FAM83H: variants seen among roughly 807,000 people sequenced by gnomAD.
FAM83H encodes scaffolding CK1 anchoring protein H, also known as protein FAM83H.
FAM83H carries 24 observed loss-of-function variants against 30.2 expected under a neutral mutation model. The ratio of observed to expected loss-of-function variants is 0.79; its 90% CI spans 0.57 to 1.12. The LOEUF (loss-of-function observed/expected upper bound fraction) is 1.12. FAM83H is among the 50% of genes most tolerant of loss of function. FAM83H has a pLI of 0.00. For synonymous variants in FAM83H, 1,013 were observed against 821.7 expected (o/e 1.23, Z -3.98); for missense variants, 2,038 against 1,773.9 (o/e 1.15, Z -2.67).
At chr8:143,729,785 C>G (rs1213146328) in intron 2 of FAM83H, among the ~76,000 whole-genome samples, 3 of 152,246 alleles carry the variant, frequency 2.0e-5, no homozygotes, top group African/African-American at 4.8e-5. Context: ...GCACCTTCCG[C>G]CGTCTGCTAG....
rs1554622967 is a variant in FAM83H, at chr8:143,727,923, G to C, written c.1538C>G (p.Ser513Cys). 1.3e-6 allele frequency: 2 copies of C among 1,530,394 alleles called. No homozygotes were observed. The highest frequency in any genetic ancestry group is 1.7e-6 in the Non-Finnish European group (2 of 1,144,926). The allele number at this position is 1,530,394 out of a possible 1,614,324, so 94.8% of individuals were successfully genotyped here. Reference protein sequence around the residue: ...DGHQRLDYVPSSASREVRHGS... With the variant: ...DGHQRLDYVPCSASREVRHGS... ...GTGGCGCACCTCGCGGGACGCGCTG[G>C]ACGGCACGTAGTCCAGCCGCTGGTG... Residue 513 changes from serine to cysteine, a missense_variant, in exon 5 of 5, where the codon TCC becomes TGC. By Grantham distance (112) the Ser-to-Cys change is moderately radical. Transcript: ENST00000388913.
At chr8:143,731,504 A>G (rs1818520826) in intron 1 of FAM83H, 1 of 985,414 alleles carries the variant, frequency 1.0e-6, no homozygotes, top group Non-Finnish European at 1.2e-6. Context: ...GGGCTCCCAC[A>G]GCCCATTCTA....
rs1365514007 is a variant in FAM83H, at chr8:143,730,563, C to T, written c.20G>A (p.Ser7Asn). 2 of 1,555,762 alleles carry T rather than the reference C, an allele frequency of 1.3e-6. No individual in the cohort carries two copies. The highest frequency in any genetic ancestry group is 2.7e-5 in the African/African-American group (2 of 73,882). Residue 7 changes from serine to asparagine, a missense_variant, in exon 2 of 5, where the codon AGC becomes AAC. Coordinates refer to ENST00000388913, the MANE Select transcript of FAM83H (RefSeq NM_198488.5). ...CAGTGGGTTGTCCCCCTGCGAGGAGCTCTGAGAGCGACGGGCCATGTTGGG... is the reference window on the plus strand; with the variant it reads ...CAGTGGGTTGTCCCCCTGCGAGGAGTTCTGAGAGCGACGGGCCATGTTGGG... MARRSQ[S>N]SSQGDNPLAP...
rs1391248464 is a variant in FAM83H at position 143,727,109 on chromosome 8, G to A, written c.2352C>T (p.Arg784=). ...AAPGAVGGER[R]SLESCLLDLR... is the part of the protein sequence containing the mutation. ...GGTCCAGCAGGCAGCTCTCGAGGCTGCGGCGCTCGCCCCCCACGGCACCTG... is the reference window on the plus strand; with the variant it reads ...GGTCCAGCAGGCAGCTCTCGAGGCTACGGCGCTCGCCCCCCACGGCACCTG... Residue 784 remains arginine, a synonymous_variant, in exon 5 of 5, where the codon CGC becomes CGT. Coordinates refer to ENST00000388913, the MANE Select transcript of FAM83H (RefSeq NM_198488.5). The A allele has an allele frequency of 4.6e-6, 7 of 1,535,946 alleles. No individual in the cohort carries two copies. The highest frequency in any genetic ancestry group is 6.1e-6 in the Non-Finnish European group (7 of 1,147,200).
In FAM83H at chr8:143,725,601, G is replaced by A. The variant is rs572000425; in HGVS notation, c.*320C>T. 4.4e-5 allele frequency: 22 copies of A among 503,440 alleles called. No individual in the cohort carries two copies. In the East Asian group the frequency reaches 7.4e-4, roughly 17 times the overall value. The allele number at this position is 503,440 out of a possible 1,614,324, so 31.2% of individuals were successfully genotyped here. A position where few individuals can be genotyped will look rare whatever the true frequency, so the allele number is the denominator to read the frequency against. On this transcript the variant is annotated 3_prime_UTR_variant, in exon 5 of 5. Coordinates refer to ENST00000388913, the MANE Select transcript of FAM83H (RefSeq NM_198488.5). ...CTCAAAAAAATAAAGGGGGCGGGGG[G>A]GACTGAGGCACAAAGAGATGGCGGA...
rs565410634 is a variant in FAM83H at position 143,726,843 on chromosome 8, G to C, written c.2618C>G (p.Ser873Trp). ...GCTCCCCTTCCGCTCAGGGTAAGCC[G>C]AGGTGGGGCTCCCTTTTGACTCATT... ...LHNESKGSPT[S>W]AYPERKGSPT... The change falls in exon 5 of 5, where the codon TCG becomes TGG. Residue 873 changes from serine (S) to tryptophan (W), a missense_variant. Coordinates refer to ENST00000388913, the MANE Select transcript of FAM83H (RefSeq NM_198488.5). The C allele has an allele frequency of 2.5e-6, 4 of 1,613,096 alleles. No individual in the cohort carries two copies. The South Asian group carries it at 3.3e-5, about 13-fold the overall frequency.
chr8:143,726,437 G>A lies in FAM83H; in HGVS notation c.3024C>T (p.Asp1008=), dbSNP rs1168861411. Residue 1008 remains aspartate (D), a synonymous_variant, in exon 5 of 5, where the codon GAC becomes GAT. Transcript: ENST00000388913. The part of the protein sequence containing the change: ...SPRRLSLGQG[D]STEAATEERG... Reference sequence around the variant, plus strand: ...GCTCTTCTGTGGCAGCCTCCGTGCTGTCACCCTGGCCCAGTGACAGACGCC... The same window carrying A: ...GCTCTTCTGTGGCAGCCTCCGTGCTATCACCCTGGCCCAGTGACAGACGCC... 4 of 1,603,034 alleles carry A rather than the reference G, an allele frequency of 2.5e-6. No individual in the cohort carries two copies. Among genetic ancestry groups the A allele is most frequent in the Non-Finnish European group, 3.4e-6 (4 of 1,177,396 alleles).
Position 143,727,929 on chromosome 8 carries a change from A to G in FAM83H, c.1532T>C (p.Val511Ala). The stretch of plus-strand genomic sequence containing the variant: ...CACCTCGCGGGACGCGCTGGACGGC[A>G]CGTAGTCCAGCCGCTGGTGCCCGTC... ...GPDGHQRLDY[V>A]PSSASREVRH... The change falls in exon 5 of 5, where the codon GTG becomes GCG. Residue 511 changes from valine to alanine, a missense_variant. By Grantham distance (64) the Val-to-Ala change is moderately conservative. Coordinates refer to ENST00000388913, the MANE Select transcript of FAM83H (RefSeq NM_198488.5). 6.5e-7 allele frequency: 1 copy of G among 1,536,768 alleles called. No homozygotes were observed. The highest frequency in any genetic ancestry group is 8.7e-7 in the Non-Finnish European group (1 of 1,147,986).
chr8:143,731,831 CCCTGCGGGGG>C lies in FAM83H; in HGVS notation c.-15-1244_-15-1235del, dbSNP rs1373560433. 3.0e-6 allele frequency: 3 copies of C among 985,348 alleles called. No individual in the cohort carries two copies. The East Asian group carries it at 3.4e-4, about 112-fold the overall frequency. The allele number at this position is 985,348 out of a possible 1,614,324, so 61.0% of individuals were successfully genotyped here. A position where few individuals can be genotyped will look rare whatever the true frequency, so the allele number is the denominator to read the frequency against. ...CAGCCCACTCTGTTCTCCAAAGGGT[CCCTGCGGGGG>C]CCTGGCCTCTCCAGAAAGGTGTCAG... On this transcript the variant is annotated intron_variant, in intron 1 of 4. Transcript: ENST00000388913.
Position 143,725,156 on chromosome 8 carries a change from C to CGGGGGGGGGGGGGGGGGGGGGGAGG in FAM83H, c.*764_*765insCCTCCCCCCCCCCCCCCCCCCCCCC, listed in dbSNP as rs549881150. 1 of 37,534 alleles carries CGGGGGGGGGGGGGGGGGGGGGGAGG rather than the reference C, an allele frequency of 2.7e-5. No homozygotes were observed. Among genetic ancestry groups the CGGGGGGGGGGGGGGGGGGGGGGAGG allele is most frequent in the African/African-American group, 1.4e-4 (1 of 7,312 alleles). 2.3% of individuals were successfully genotyped at this position (37,534 alleles called of 1,614,324 possible). On this transcript the variant is annotated 3_prime_UTR_variant, in exon 5 of 5. Coordinates refer to ENST00000388913, the MANE Select transcript of FAM83H (RefSeq NM_198488.5). Reference sequence around the variant, plus strand: ...AAGCCCAGGCGGGGGAGGGGGGAGACGGGGGGGGGGGGGGGGGAGGGAAGG... The same window carrying CGGGGGGGGGGGGGGGGGGGGGGAGG: ...AAGCCCAGGCGGGGGAGGGGGGAGACGGGGGGGGGGGGGGGGGGGGGGAGGGGGGGGGGGGGGGGGGGAGGGAAGG...
At position 143,726,911 on chromosome 8, in the gene FAM83H, G is replaced by A. The variant is rs1554622147; in HGVS notation, c.2550C>T (p.Ser850=). The A allele has an allele frequency of 1.6e-5, 26 of 1,612,472 alleles. No homozygotes were observed. Among genetic ancestry groups the A allele is most frequent in the Non-Finnish European group, 2.1e-5 (25 of 1,179,812 alleles). The change falls in exon 5 of 5, where the codon AGC becomes AGT. Residue 850 remains serine, a synonymous_variant. Coordinates refer to ENST00000388913, the MANE Select transcript of FAM83H (RefSeq NM_198488.5). The part of the protein sequence containing the change: ...SHSTSPQGLD[S]PLPLEGSGAH... ...CTCCGGACCCTTCCAGCGGCAGAGG[G>A]CTGTCCAGCCCTTGCGGGGACGTTG...
rs150381003 is a variant in FAM83H, at chr8:143,732,605, G to A, written c.-16+1086C>T. Reference sequence around the variant, plus strand: ...GACCATCCAGACAGTGGAAGCCCCCGTGGCCAGGAGCCCTCCCAGCAGACA... The same window carrying A: ...GACCATCCAGACAGTGGAAGCCCCCATGGCCAGGAGCCCTCCCAGCAGACA... On this transcript the variant is annotated intron_variant, in intron 1 of 4. Coordinates refer to ENST00000388913, the MANE Select transcript of FAM83H (RefSeq NM_198488.5). The A allele has an allele frequency of 2.1e-3, 2,106 of 985,324 alleles. 4 individuals carry two copies. The highest frequency in any genetic ancestry group is 2.5e-3 in the Non-Finnish European group (2,045 of 829,880). 61.0% of individuals were successfully genotyped at this position (985,324 alleles called of 1,614,324 possible).
At position 143,725,503 on chromosome 8, in the gene FAM83H, G is replaced by A. The variant is rs1818255067; in HGVS notation, c.*418C>T. The A allele has an allele frequency of 8.3e-6, 2 of 240,072 alleles. No homozygotes were observed. Among genetic ancestry groups the A allele is most frequent in the Non-Finnish European group, 1.6e-5 (2 of 121,868 alleles). The allele number at this position is 240,072 out of a possible 1,614,324, so 14.9% of individuals were successfully genotyped here. On this transcript the variant is annotated 3_prime_UTR_variant, in exon 5 of 5. Transcript: ENST00000388913. ...CCCAGCTACTCAGGAGGCTGAGGCA[G>A]GAGAATCGCTGGAACCCGGGAGGCA...
intron 1 of FAM83H, chr8:143,732,480 G>A: frequency 2.0e-6 from 2 of 985,372 alleles, no homozygotes; most frequent in African/African-American, 1.7e-5. Context: ...GATGTTGTTT[G>A]AGGGTACTTC....
At position 143,727,740 on chromosome 8, in the gene FAM83H, C is replaced by A. The variant is rs369884074; in HGVS notation, c.1721G>T (p.Gly574Val). Residue 574 changes from glycine to valine, a missense_variant, in exon 5 of 5, where the codon GGG (glycine) becomes GTG (valine). Coordinates refer to ENST00000388913, the MANE Select transcript of FAM83H (RefSeq NM_198488.5). ...ACGCCAGCGCCGCAGCCCTGCCCGC[C>A]CCTCGGGCCCGCCCCTGCGCTCCGG... is the stretch of plus-strand genomic sequence containing the variant. Reference protein sequence around the residue: ...AEPERRGGPEGRAGLRRWRLA... With the variant: ...AEPERRGGPEVRAGLRRWRLA... 4.7e-4 allele frequency: 717 copies of A among 1,517,278 alleles called. 4 individuals carry two copies. The African/African-American group carries it at 9.3e-3, about 20-fold the overall frequency. The allele number at this position is 1,517,278 out of a possible 1,614,324, so 94.0% of individuals were successfully genotyped here. A position where few individuals can be genotyped will look rare whatever the true frequency, so the allele number is the denominator to read the frequency against.
chr8:143,728,788 G>A, intron 4 of FAM83H, 65 bp from the exon 5 acceptor site: 1 of 1,598,212 alleles, frequency 6.3e-7, no homozygotes, highest in Non-Finnish European at 8.5e-7. Context: ...CCCGTGGGCA[G>A]CGGGTGGGGC....
At position 143,728,112 on chromosome 8, in the gene FAM83H, C is replaced by T. The variant is rs1554623122; in HGVS notation, c.1349G>A (p.Arg450His). The change falls in exon 5 of 5, where the codon CGT becomes CAT. Residue 450 changes from arginine to histidine, a missense_variant. Physicochemically the swap from Arg to His is conservative, Grantham distance 29 (BLOSUM62 0). Coordinates refer to ENST00000388913, the MANE Select transcript of FAM83H (RefSeq NM_198488.5). ...DFRFQTSHFH[R>H]DQLYQQQYQW... ...GTACTGCTGCTGGTAGAGCTGGTCA[C>T]GGTGGAAGTGGCTGGTCTGGAAGCG... 1 of 1,611,034 alleles carries T rather than the reference C, an allele frequency of 6.2e-7. No homozygotes were observed. The highest frequency in any genetic ancestry group is 1.3e-5 in the African/African-American group (1 of 74,926).
Position 143,733,369 on chromosome 8 carries a change from G to A in FAM83H, c.-16+322C>T, listed in dbSNP as rs924953314. On this transcript the variant is annotated intron_variant, in intron 1 of 4. Transcript: ENST00000388913. The surrounding 1 kb of genome is among the most constrained non-coding windows in gnomAD (Gnocchi z 5.6). Reference sequence around the variant, plus strand: ...GGCCGTGCCCAGCACCCAGACTCCAGCTAGGCCGCGAGGGCGGGAGCGAGT... The same window carrying A: ...GGCCGTGCCCAGCACCCAGACTCCAACTAGGCCGCGAGGGCGGGAGCGAGT... Among the ~76,000 whole-genome samples, 28 of 152,316 alleles carry A rather than the reference G, an allele frequency of 1.8e-4. No individual in the cohort carries two copies. Among genetic ancestry groups the A allele is most frequent in the African/African-American group, 6.3e-4 (26 of 41,588 alleles).
chr8:143,725,156 C>CGGGGGGGGGGGGGGGGGGGGGGGGG lies in FAM83H; in HGVS notation c.*764_*765insCCCCCCCCCCCCCCCCCCCCCCCCC, dbSNP rs549881150. 4 of 37,556 alleles carry CGGGGGGGGGGGGGGGGGGGGGGGGG rather than the reference C, an allele frequency of 1.1e-4. No homozygotes were observed. The highest frequency in any genetic ancestry group is 2.4e-4 in the Admixed American group (1 of 4,224). 2.3% of individuals were successfully genotyped at this position (37,556 alleles called of 1,614,324 possible). On this transcript the variant is annotated 3_prime_UTR_variant, in exon 5 of 5. Transcript: ENST00000388913. The stretch of plus-strand genomic sequence containing the variant: ...AAGCCCAGGCGGGGGAGGGGGGAGA[C>CGGGGGGGGGGGGGGGGGGGGGGGGG]GGGGGGGGGGGGGGGGGAGGGAAGG...
Sources: allele counts gnomAD v4.1 joint callset (sites outside exome capture counted in the v4.1 genomes callset), GRCh38; gene constraint gnomAD v4.1.1; non-coding constraint Gnocchi (gnomAD v3.1); transcripts MANE v1.5; gene names NCBI Gene and HGNC (gene_info 2026-07-23, HGNC 2026-07-21).